COL4A1: variants seen among roughly 807,000 people sequenced by gnomAD.
COL4A1 encodes the protein collagen alpha-1(IV) chain.
A neutral mutation model predicts 216.6 loss-of-function variants in COL4A1; 40 were observed. The ratio of observed to expected loss-of-function variants is 0.18; its 90% CI spans 0.14 to 0.24. The LOEUF is 0.24. Ranked by LOEUF, COL4A1 falls within the 10% of genes least tolerant of loss-of-function variation. The pLI, the probability that COL4A1 is intolerant of heterozygous loss-of-function variation, is 1.00. For synonymous variants in COL4A1, 839 were observed against 810.7 expected, an observed-to-expected ratio of 1.03 and a Z score of -0.59; for missense variants, 1,628 against 2,196.8, an observed-to-expected ratio of 0.74 and a Z score of 5.18.
intron 42 of COL4A1, among the ~76,000 whole-genome samples, chr13:110,170,127 A>G (rs9515158): frequency 1.3e-4 from 3 of 23,354 alleles, no homozygotes; most frequent in Admixed American, 8.4e-4. Context: ...GGAAGGAAGG[A>G]AGGAAGGAAG....
chr13:110,169,456 GAA>G, intron 43 of COL4A1, among the ~76,000 whole-genome samples, 171 bp downstream of exon 43: 1 of 37,664 alleles, frequency 2.7e-5, no homozygotes, highest in Non-Finnish European at 6.5e-5. Context: ...TTACTGGCAA[GAA>G]AGAAAGAAAG....
chr13:110,245,375 T>C (rs561326241), intron 1 of COL4A1, among the ~76,000 whole-genome samples: 2 of 152,290 alleles, frequency 1.3e-5, no homozygotes, highest in South Asian at 4.1e-4. Context: ...TTCATCCCCC[T>C]CCTACAGATA....
chr13:110,304,551 G>A (rs1348320467), intron 1 of COL4A1, among the ~76,000 whole-genome samples: 1 of 152,226 alleles, frequency 6.6e-6, no homozygotes, highest in Non-Finnish European at 1.5e-5. Context: ...CTCACAATCA[G>A]AACACTGCTG....
chr13:110,246,151 A>C (rs1394086256), intron 1 of COL4A1, among the ~76,000 whole-genome samples: 2 of 152,082 alleles, frequency 1.3e-5, no homozygotes, highest in African/African-American at 4.8e-5. Flanking sequence ...TGTTAAAAAA[A>C]AAAAACAAAA....
chr13:110,170,048 G>A (rs1372722788), intron 42 of COL4A1, among the ~76,000 whole-genome samples: 1 of 140,072 alleles, frequency 7.1e-6, no homozygotes, highest in Non-Finnish European at 1.6e-5. Context: ...AGGGAAGGAG[G>A]GAGGAAGGAG....
chr13:110,266,594 C>G (rs594377), intron 1 of COL4A1, among the ~76,000 whole-genome samples: 107,946 of 152,030 alleles, frequency 0.71, 38,634 homozygotes, highest in East Asian at 0.97. Context: ...TGGGGAAACA[C>G]ACAGGGCAGT....
chr13:110,258,587 G>T (rs957972885), intron 1 of COL4A1, among the ~76,000 whole-genome samples: 13 of 152,120 alleles, frequency 8.5e-5, no homozygotes, highest in African/African-American at 3.1e-4. Flanking sequence ...TTTTGAATTT[G>T]AAAATGTATT....
rs751749411 is a variant in COL4A1 at position 110,205,319 on chromosome 13, G to A, written c.957+34C>T. On this transcript the variant is annotated intron_variant, in intron 17 of 51. Coordinates refer to ENST00000375820, the MANE Select transcript of COL4A1 (RefSeq NM_001845.6). ...AGACTTCTGGGTTGAATTGGAAAGT[G>A]AAGATAAAGGCTCACAATAGTGCCA... 4 of 1,612,818 alleles carry A rather than the reference G, an allele frequency of 2.5e-6. No homozygotes were observed. The South Asian group carries it at 4.4e-5, about 18-fold the overall frequency.
rs886049952 is a variant in COL4A1, at chr13:110,149,715, A to AAT, written c.*646_*647dup. The AAT allele has an allele frequency of 5.1e-4, 77 of 151,694 alleles. No homozygotes were observed. Among genetic ancestry groups the AAT allele is most frequent in the East Asian group, 1.2e-3 (6 of 5,166 alleles). 9.4% of individuals were successfully genotyped at this position (151,694 alleles called of 1,614,324 possible). On this transcript the variant is annotated 3_prime_UTR_variant, in exon 52 of 52. Transcript: ENST00000375820. Reference sequence around the variant, plus strand: ...ATTGCTGACATCTATATAAATTACTAATATATATATATATTTAATTTTTGA... The same window carrying AAT: ...ATTGCTGACATCTATATAAATTACTAATATATATATATATATTTAATTTTTGA...
intron 1 of COL4A1, among the ~76,000 whole-genome samples, chr13:110,244,774 T>C (rs1881716327): frequency 6.6e-6 from 1 of 152,080 alleles, no homozygotes; most frequent in African/African-American, 2.4e-5. Flanking sequence ...CACACCAGGC[T>C]CCCGTAGCAT....
intron 1 of COL4A1, among the ~76,000 whole-genome samples, chr13:110,286,210 G>A (rs1883839283): frequency 6.6e-6 from 1 of 152,220 alleles, no homozygotes; most frequent in African/African-American, 2.4e-5. Context: ...CAGATTCAGG[G>A]TACACTGAAG....
chr13:110,156,765 G>T (rs2138422493), intron 49 of COL4A1, among the ~76,000 whole-genome samples: 1 of 152,280 alleles, frequency 6.6e-6, no homozygotes, highest in South Asian at 2.1e-4. Context: ...GACTATAAAT[G>T]GTGTCAATAA....
chr13:110,182,838 C>A (rs977221862), intron 28 of COL4A1, among the ~76,000 whole-genome samples, 155 bp downstream of exon 28: 9 of 152,274 alleles, frequency 5.9e-5, no homozygotes, highest in Non-Finnish European at 1.0e-4. Flanking sequence ...CCTAGAAGCT[C>A]CTGAAATCAC....
intron 1 of COL4A1, among the ~76,000 whole-genome samples, chr13:110,273,771 C>T (rs969470200): frequency 6.6e-6 from 1 of 152,194 alleles, no homozygotes; most frequent in East Asian, 1.9e-4. Flanking sequence ...CAGTGCTGCA[C>T]AGATGTGGCT....
intron 12 of COL4A1, 137 bp downstream of exon 12, chr13:110,208,712 C>T: frequency 1.2e-6 from 1 of 868,420 alleles, no homozygotes; most frequent in African/African-American, 1.7e-5. Flanking sequence ...AAGGAAAACA[C>T]TAACTACCAA....
At chr13:110,293,146 G>A (rs538314961) in intron 1 of COL4A1, among the ~76,000 whole-genome samples, 9 of 152,248 alleles carry the variant, frequency 5.9e-5, no homozygotes, top group East Asian at 3.9e-4. Context: ...CAGTGCCACC[G>A]TTGGGGGCTG....
At chr13:110,182,633 TC>T (rs1388072110) in intron 28 of COL4A1, among the ~76,000 whole-genome samples, 1 of 152,014 alleles carries the variant, frequency 6.6e-6, no homozygotes, top group East Asian at 1.9e-4. Flanking sequence ...TCCTTGCACC[TC>T]CCCCTGGGCG....
chr13:110,226,079 C>A (rs566219871), intron 2 of COL4A1, among the ~76,000 whole-genome samples: 1 of 152,314 alleles, frequency 6.6e-6, no homozygotes, highest in South Asian at 2.1e-4. Flanking sequence ...TCCTCTGAAG[C>A]CACAGAATGT....
intron 1 of COL4A1, among the ~76,000 whole-genome samples, chr13:110,250,872 A>G (rs751749): frequency 0.17 from 25,664 of 152,218 alleles, 2,512 homozygotes; most frequent in Non-Finnish European, 0.23. Flanking sequence ...GCTCCAGGCA[A>G]ATATGTAGAC....
Sources: gnomAD v4.1 joint callset for allele counts (sites outside exome capture counted in the v4.1 genomes callset) on GRCh38, gnomAD v4.1.1 for gene constraint, MANE v1.5 for transcripts, NCBI Gene and HGNC (gene_info 2026-07-23, HGNC 2026-07-21) for gene names.